The following CADPS2 variants were observed in gnomAD, a reference collection of about 807,000 sequenced individuals.
The protein encoded by CADPS2 is calcium-dependent secretion activator 2.
A neutral mutation model predicts 172.5 loss-of-function variants in CADPS2; 93 were observed. The observed-to-expected ratio is 0.54, with a 90% confidence interval of 0.46 to 0.64. CADPS2 has a LOEUF of 0.64. CADPS2 is among the 30% of genes least tolerant of loss of function. The pLI is 0.00. For synonymous variants in CADPS2, 546 were observed against 555.2 expected (o/e 0.98, Z 0.23); for missense variants, 1,420 against 1,565.9 (o/e 0.91, Z 1.57).
rs958337490 is a variant in CADPS2 at position 122,353,511 on chromosome 7, T to A, written c.3504+7277A>T. On this transcript the variant is annotated intron_variant, in intron 27 of 29. Transcript: ENST00000449022. The stretch of plus-strand genomic sequence containing the variant: ...CTTGGCCACAGTAATCTTTATCGTA[T>A]CCTCCAAGTCTCTTCAGCTGTTTCA... Among the ~76,000 whole-genome samples the A allele has an allele frequency of 3.9e-5, 6 of 152,290 alleles. No individual in the cohort carries two copies. The South Asian group carries it at 1.2e-3, about 32-fold the overall frequency.
intron 2 of CADPS2, among the ~76,000 whole-genome samples, chr7:122,705,186 A>T (rs2086795378): frequency 6.6e-6 from 1 of 151,834 alleles, no homozygotes; most frequent in Non-Finnish European, 1.5e-5. Flanking sequence ...TAGTCCATTA[A>T]GTATCATGAC....
Position 122,820,727 on chromosome 7 carries a change from T to C in CADPS2, c.339+65272A>G, listed in dbSNP as rs894806986. On this transcript the variant is annotated intron_variant, in intron 1 of 29. Transcript: ENST00000449022. ...GGCGCCCGCTACCACGCCCGGCTAATTTTTTGTATTTTTAGTAGAGACGGG... is the reference window on the plus strand; with the variant it reads ...GGCGCCCGCTACCACGCCCGGCTAACTTTTTGTATTTTTAGTAGAGACGGG... Among the ~76,000 whole-genome samples the C allele has an allele frequency of 5.3e-5, 7 of 133,248 alleles. 2 individuals carry two copies. Among genetic ancestry groups the C allele is most frequent in the African/African-American group, 2.0e-4 (7 of 34,652 alleles). 87.4% of individuals were successfully genotyped at this position (133,248 alleles called of 152,430 possible).
chr7:122,408,178 TTA>T (rs2046882952), intron 19 of CADPS2, among the ~76,000 whole-genome samples: 1 of 147,508 alleles, frequency 6.8e-6, no homozygotes, highest in African/African-American at 2.6e-5. Flanking sequence ...GGATATACTG[TTA>T]TTTTTTTTTT....
intron 1 of CADPS2, among the ~76,000 whole-genome samples, chr7:122,782,225 T>C (rs943841802): frequency 6.6e-6 from 1 of 152,176 alleles, no homozygotes; most frequent in Middle Eastern, 3.2e-3. Context: ...TCCTTGGGAT[T>C]TTCAGGGACA....
At chr7:122,528,552 A>T (rs1252743322) in intron 8 of CADPS2, among the ~76,000 whole-genome samples, 1 of 152,164 alleles carries the variant, frequency 6.6e-6, no homozygotes, top group Non-Finnish European at 1.5e-5. Flanking sequence ...TAAAGCCAGT[A>T]GTCATAAAGA....
intron 2 of CADPS2, among the ~76,000 whole-genome samples, chr7:122,717,977 ATTTTTTTTTTTTTTTTTTT>A (rs36154725): frequency 4.6e-5 from 4 of 87,222 alleles, no homozygotes; most frequent in Non-Finnish European, 6.2e-5. Flanking sequence ...CACTCGGCTA[ATTTTTTTTTTTTTTTTTTT>A]TTTTTTTTTT....
chr7:122,744,415 A>G (rs926551073), intron 1 of CADPS2, among the ~76,000 whole-genome samples: 1 of 152,174 alleles, frequency 6.6e-6, no homozygotes, highest in Admixed American at 6.5e-5. Context: ...ATACCTAACC[A>G]GAGGGAAAAT....
At chr7:122,871,757 T>C (rs1248444828) in intron 1 of CADPS2, among the ~76,000 whole-genome samples, 1 of 152,120 alleles carries the variant, frequency 6.6e-6, no homozygotes, top group Non-Finnish European at 1.5e-5. Context: ...GCACCTGACA[T>C]TGTTTTCTAC....
rs1554613864 is a variant in CADPS2, at chr7:122,546,549, A to ATGTT, written c.1475+8000_1475+8001insAACA. Among the ~76,000 whole-genome samples the ATGTT allele has an allele frequency of 4.0e-5, 6 of 151,794 alleles. No homozygotes were observed. In the South Asian group the frequency reaches 6.2e-4, roughly 16 times the overall value. On this transcript the variant is annotated intron_variant, in intron 8 of 29. Coordinates refer to ENST00000449022, the MANE Select transcript of CADPS2 (RefSeq NM_017954.11). ...TTTTCTCCTCTTTAGACCTCTGCTG[A>ATGTT]TCTTAAGCTTTTTCCTTCCTTTTTT...
intron 1 of CADPS2, among the ~76,000 whole-genome samples, chr7:122,760,836 T>C (rs113187024): frequency 7.1e-6 from 1 of 140,784 alleles, no homozygotes; most frequent in African/African-American, 2.6e-5. Context: ...GGGGGCGGGA[T>C]AGCATTTGGA....
intron 19 of CADPS2, among the ~76,000 whole-genome samples, chr7:122,407,954 T>A (rs1277798664): frequency 6.6e-6 from 1 of 152,150 alleles, no homozygotes; most frequent in Non-Finnish European, 1.5e-5. Flanking sequence ...AAATACATGA[T>A]TAGTTTACAA....
intron 1 of CADPS2, among the ~76,000 whole-genome samples, chr7:122,866,180 T>C (rs995480502): frequency 6.6e-6 from 1 of 152,242 alleles, no homozygotes; most frequent in Non-Finnish European, 1.5e-5. Context: ...TTAACCATGT[T>C]ATAATCTCAA....
At chr7:122,813,044 A>AT (rs1259528708) in intron 1 of CADPS2, among the ~76,000 whole-genome samples, 1 of 152,182 alleles carries the variant, frequency 6.6e-6, no homozygotes, top group Non-Finnish European at 1.5e-5. Flanking sequence ...AAAAGCCTCA[A>AT]TAACAGGACT....
At chr7:122,423,045 C>G (rs563116599) in intron 17 of CADPS2, among the ~76,000 whole-genome samples, 1 of 152,260 alleles carries the variant, frequency 6.6e-6, no homozygotes, top group Non-Finnish European at 1.5e-5. Context: ...TCTACTGGAT[C>G]CCCAGTCTAC....
rs1585715794 is a variant in CADPS2, at chr7:122,407,513, C to T, written c.2746+27G>A. ...CATTCTCCCACCCCTCCCCATTTCA[C>T]ATATGAAAGAAAACGCAAATGCTCA... On this transcript the variant is annotated intron_variant, in intron 20 of 29. Coordinates refer to ENST00000449022, the MANE Select transcript of CADPS2 (RefSeq NM_017954.11). 1.3e-6 allele frequency: 2 copies of T among 1,599,938 alleles called. 1 individual carries two copies. The highest frequency in any genetic ancestry group is 2.3e-5 in the South Asian group (2 of 88,448).
At chr7:122,394,961 G>C (rs1327494841) in intron 20 of CADPS2, among the ~76,000 whole-genome samples, 4 of 152,140 alleles carry the variant, frequency 2.6e-5, no homozygotes. Flanking sequence ...TAGAAGCTGG[G>C]GAAAAGTTAG....
At chr7:122,815,729 C>A (rs1329438415) in intron 1 of CADPS2, among the ~76,000 whole-genome samples, 1 of 152,142 alleles carries the variant, frequency 6.6e-6, no homozygotes, top group Non-Finnish European at 1.5e-5. Context: ...ATTATTACCA[C>A]TAAACTAGCA....
intron 5 of CADPS2, among the ~76,000 whole-genome samples, chr7:122,616,145 G>A (rs547698691): frequency 5.3e-5 from 8 of 151,944 alleles, no homozygotes; most frequent in Non-Finnish European, 1.2e-4. Flanking sequence ...ATCAAAAGTT[G>A]CATCATGAAC....
intron 2 of CADPS2, among the ~76,000 whole-genome samples, chr7:122,691,083 TC>T (rs2084292911): frequency 6.6e-6 from 1 of 152,242 alleles, no homozygotes; most frequent in Non-Finnish European, 1.5e-5. Flanking sequence ...ACTCCGCTGC[TC>T]TAAGCAGGTG....
Sources: allele counts gnomAD v4.1 joint callset (sites outside exome capture counted in the v4.1 genomes callset), GRCh38; gene constraint gnomAD v4.1.1; transcripts MANE v1.5; gene names NCBI Gene and HGNC (gene_info 2026-07-23, HGNC 2026-07-21).